NREP: variants seen among roughly 807,000 people sequenced by gnomAD.
NREP encodes the protein neuronal regeneration related protein.
NREP carries 5 observed loss-of-function variants against 8.6 expected under a neutral mutation model. That is an observed-to-expected ratio of 0.58 (90% CI 0.30 to 1.22). The LOEUF (loss-of-function observed/expected upper bound fraction) is 1.22, where lower values mean the gene tolerates loss of function less well. Ranked by LOEUF, NREP falls within the 50% of genes most tolerant of loss-of-function variation. The pLI is 0.07. For missense variants in NREP, 86 were observed against 82.5 expected, an observed-to-expected ratio of 1.04 and a Z score of -0.17; for synonymous variants, 27 against 28.0, an observed-to-expected ratio of 0.96 and a Z score of 0.11.
At chr5:111,776,771 G>C (rs531487947) in intron 2 of NREP, among the ~76,000 whole-genome samples, 14 of 152,152 alleles carry the variant, frequency 9.2e-5, no homozygotes, top group Non-Finnish European at 1.8e-4. Context: ...TGTAGTGATA[G>C]AAGTTAGACT....
intron 2 of NREP, among the ~76,000 whole-genome samples, chr5:111,935,580 A>G (rs1755660819): frequency 6.6e-6 from 1 of 152,122 alleles, no homozygotes; most frequent in African/African-American, 2.4e-5. Context: ...AGCTTGATCA[A>G]GTTTCCACTT....
chr5:111,906,788 T>G (rs904858869), intron 2 of NREP, among the ~76,000 whole-genome samples: 76 of 152,280 alleles, frequency 5.0e-4, no homozygotes, highest in African/African-American at 1.7e-3. Flanking sequence ...ATCTTTCATG[T>G]GCTTATTTGG....
intron 2 of NREP, among the ~76,000 whole-genome samples, chr5:111,930,373 T>C (rs1755503416): frequency 6.6e-6 from 1 of 152,208 alleles, no homozygotes; most frequent in Non-Finnish European, 1.5e-5. Context: ...AATGGTTTCT[T>C]TGAAAGTGGC....
chr5:111,955,808 C>A (rs1756298760), intron 2 of NREP, among the ~76,000 whole-genome samples: 1 of 150,180 alleles, frequency 6.7e-6, no homozygotes, highest in Non-Finnish European at 1.5e-5. Flanking sequence ...GTGTAAGAGG[C>A]AGAGCATGGG....
chr5:111,881,921 A>G (rs569121848), intron 2 of NREP, among the ~76,000 whole-genome samples: 2 of 152,294 alleles, frequency 1.3e-5, no homozygotes, highest in African/African-American at 4.8e-5. Flanking sequence ...AAAGCAGAGC[A>G]CCTCTCCTCC....
intron 2 of NREP, chr5:111,739,590 A>T (rs981252335): frequency 4.6e-5 from 7 of 152,182 alleles, no homozygotes; most frequent in African/African-American, 1.7e-4. Flanking sequence ...AAAGCTGCCC[A>T]TTCTTCTTGG....
chr5:111,797,857 T>C (rs912450752), intron 2 of NREP, among the ~76,000 whole-genome samples: 1 of 152,074 alleles, frequency 6.6e-6, no homozygotes. Flanking sequence ...GGCAATTCAA[T>C]AGAACACATT....
intron 2 of NREP, among the ~76,000 whole-genome samples, chr5:111,942,081 C>T (rs1755844274): frequency 6.6e-6 from 1 of 151,974 alleles, no homozygotes; most frequent in Non-Finnish European, 1.5e-5. Flanking sequence ...TTCCATGAGA[C>T]ATCATTTTAT....
At chr5:111,757,798 A>G (rs1750829468), upstream of NREP, 1 of 971,098 alleles carries the variant, frequency 1.0e-6, no homozygotes. Flanking sequence ...CTCCGCCTCG[A>G]CGTGCGGTTG....
At chr5:111,828,174 G>T (rs1752673018) in intron 2 of NREP, among the ~76,000 whole-genome samples, 1 of 152,108 alleles carries the variant, frequency 6.6e-6, no homozygotes, top group African/African-American at 2.4e-5. Flanking sequence ...GGGATTACAG[G>T]CATGTGCCAT....
intron 2 of NREP, among the ~76,000 whole-genome samples, chr5:111,736,606 C>G (rs1283786253): frequency 6.6e-6 from 1 of 152,140 alleles, no homozygotes; most frequent in Non-Finnish European, 1.5e-5. Context: ...CCCGATCAAT[C>G]CATTTTGTCA....
At chr5:111,963,754 C>T (rs1452318295) in intron 2 of NREP, among the ~76,000 whole-genome samples, 2 of 152,178 alleles carry the variant, frequency 1.3e-5, no homozygotes, top group Non-Finnish European at 2.9e-5. Context: ...TCAGTTGGTT[C>T]AATTCTTCAT....
At chr5:111,823,888 C>T (rs546034297) in intron 2 of NREP, among the ~76,000 whole-genome samples, 2 of 152,178 alleles carry the variant, frequency 1.3e-5, no homozygotes, top group Admixed American at 1.3e-4. Context: ...TAGATGTTTC[C>T]TAGATACAGA....
chr5:111,823,653 C>G (rs1752559040), intron 2 of NREP, among the ~76,000 whole-genome samples: 1 of 152,018 alleles, frequency 6.6e-6, no homozygotes, highest in Non-Finnish European at 1.5e-5. Context: ...TGAAGAATGT[C>G]TGAGCTGAGC....
chr5:111,892,910 C>T (rs1342502438), intron 2 of NREP, among the ~76,000 whole-genome samples: 17 of 152,122 alleles, frequency 1.1e-4, no homozygotes, highest in Admixed American at 8.5e-4. Context: ...CAATATGAAC[C>T]TTCTACTATG....
chr5:111,735,562 A>G, intron 2 of NREP, 55 bp from the exon 3 acceptor site: 2 of 1,276,516 alleles, frequency 1.6e-6, no homozygotes, highest in Middle Eastern at 1.9e-4. Flanking sequence ...CCACTCTGAA[A>G]CTACACGGGA....
chr5:111,904,865 G>A (rs940860430), intron 2 of NREP, among the ~76,000 whole-genome samples: 5 of 151,976 alleles, frequency 3.3e-5, no homozygotes, highest in African/African-American at 7.3e-5. Context: ...GACCCTTCAC[G>A]AGACAGTATC....
At chr5:111,803,020 G>C (rs926631312) in intron 2 of NREP, among the ~76,000 whole-genome samples, 1 of 152,146 alleles carries the variant, frequency 6.6e-6, no homozygotes, top group Non-Finnish European at 1.5e-5. Flanking sequence ...TGGGAGAATG[G>C]TGTTGCCAAA....
intron 3 of NREP, chr5:111,734,815 G>A: frequency 1.5e-6 from 1 of 659,500 alleles, no homozygotes; most frequent in Non-Finnish European, 2.8e-6. Context: ...TTCACCCTAA[G>A]AGGCAAAGTC....
Sources: gnomAD v4.1 joint callset for allele counts (sites outside exome capture counted in the v4.1 genomes callset) on GRCh38, gnomAD v4.1.1 for gene constraint, MANE v1.5 for transcripts, NCBI Gene and HGNC (gene_info 2026-07-23, HGNC 2026-07-21) for gene names.